CAMK2B: variants seen among roughly 807,000 people sequenced by gnomAD.
The protein encoded by CAMK2B is calcium/calmodulin dependent protein kinase II beta.
CAMK2B carries 27 observed loss-of-function variants against 93.7 expected under a neutral mutation model. That is an observed-to-expected ratio of 0.29 (90% CI 0.21 to 0.40). The LOEUF (loss-of-function observed/expected upper bound fraction) is 0.40. Among genes scored for constraint, CAMK2B ranks in the 10% least tolerant of loss-of-function variants. The pLI is 1.00. For synonymous variants in CAMK2B, 374 were observed against 358.8 expected, an observed-to-expected ratio of 1.04 and a Z score of -0.48; for missense variants, 568 against 895.8, an observed-to-expected ratio of 0.63 and a Z score of 4.67.
chr7:44,288,131 G>C (rs1785649583), intron 1 of CAMK2B, among the ~76,000 whole-genome samples: 1 of 152,164 alleles, frequency 6.6e-6, no homozygotes. Flanking sequence ...CCTGTGGGTA[G>C]ATGGGTCTGT....
intron 5 of CAMK2B, 64 bp downstream of exon 5, chr7:44,254,478 T>A (rs2096813501): frequency 1.4e-5 from 17 of 1,187,842 alleles, no homozygotes; most frequent in Middle Eastern, 1.9e-4. Context: ...CAGGAGTGGG[T>A]GAAGGAGGGA....
rs1414652964 is a variant in CAMK2B, at chr7:44,271,971, T to G, written c.161-8907A>C. Among the ~76,000 whole-genome samples, 2 of 152,194 alleles carry G rather than the reference T, an allele frequency of 1.3e-5. No individual in the cohort carries two copies. The highest frequency in any genetic ancestry group is 2.9e-5 in the Non-Finnish European group (2 of 68,038). ...CATGGCACCCATGAAACAGGGCTGT[T>G]GCTGCGTCACCCCAGCTTTCAGATG... On this transcript the variant is annotated intron_variant, in intron 2 of 23. Transcript: ENST00000395749. This position sits in a 1 kb window ranked among gnomAD's most constrained non-coding sequence, Gnocchi z 4.2.
chr7:44,223,899 A>G (rs2096443155), intron 20 of CAMK2B, among the ~76,000 whole-genome samples: 1 of 152,164 alleles, frequency 6.6e-6, no homozygotes, highest in Non-Finnish European at 1.5e-5. Context: ...CCCACTCCAC[A>G]GGGGTTCTCA....
intron 13 of CAMK2B, among the ~76,000 whole-genome samples, chr7:44,236,012 G>A (rs192975744): frequency 2.7e-5 from 4 of 150,664 alleles, no homozygotes; most frequent in Admixed American, 1.3e-4. Context: ...CAGCAGAATC[G>A]CCCTGTACAG....
Position 44,311,164 on chromosome 7 carries a change from C to T in CAMK2B, c.65+14193G>A, listed in dbSNP as rs779455367. 3.9e-5 allele frequency among the ~76,000 whole-genome samples: 6 copies of T among 152,202 alleles called. No individual in the cohort carries two copies. In the East Asian group the frequency reaches 1.2e-3, roughly 29 times the overall value. Reference sequence around the variant, plus strand: ...TCTCGGCTCACTGCAACCTCTGCAACCCCCTGGTTCAAGCGATTCTCCTGC... The same window carrying T: ...TCTCGGCTCACTGCAACCTCTGCAATCCCCTGGTTCAAGCGATTCTCCTGC... On this transcript the variant is annotated intron_variant, in intron 1 of 23. Transcript: ENST00000395749. The surrounding 1 kb of genome is among the most constrained non-coding windows in gnomAD (Gnocchi z 4.2).
At chr7:44,274,880 G>T (rs1284929784) in intron 2 of CAMK2B, among the ~76,000 whole-genome samples, 1 of 152,240 alleles carries the variant, frequency 6.6e-6, no homozygotes, top group Non-Finnish European at 1.5e-5. Context: ...GAGCCTGGAA[G>T]TAAGGATCCC....
chr7:44,305,504 A>G (rs1349147396), intron 1 of CAMK2B, among the ~76,000 whole-genome samples: 1 of 152,218 alleles, frequency 6.6e-6, no homozygotes, highest in Admixed American at 6.5e-5. Context: ...AAAATGAAAC[A>G]AAAAATCCCC....
intron 1 of CAMK2B, among the ~76,000 whole-genome samples, chr7:44,309,633 G>C (rs1003788651): frequency 6.6e-6 from 1 of 152,186 alleles, no homozygotes; most frequent in Admixed American, 6.5e-5. Flanking sequence ...CGGTGGGGTC[G>C]GGACTCTGCG....
chr7:44,264,543 C>T (rs1226248836), intron 2 of CAMK2B, among the ~76,000 whole-genome samples: 2 of 152,312 alleles, frequency 1.3e-5, no homozygotes, highest in African/African-American at 2.4e-5. Context: ...TGGCATCCCA[C>T]GAGAGGGATT....
intron 1 of CAMK2B, among the ~76,000 whole-genome samples, chr7:44,316,088 C>T (rs953480791): frequency 2.0e-5 from 3 of 152,142 alleles, no homozygotes; most frequent in Admixed American, 1.3e-4. Flanking sequence ...ATCTCCTATA[C>T]CGTGCTGCCT....
intron 1 of CAMK2B, among the ~76,000 whole-genome samples, chr7:44,314,586 T>G (rs1327306314): frequency 6.6e-6 from 1 of 152,262 alleles, no homozygotes; most frequent in East Asian, 1.9e-4. Flanking sequence ...ATAATGCTGC[T>G]ATGAACCAGT....
In CAMK2B at chr7:44,225,767, C is replaced by T; in HGVS notation, c.1597+749G>A. The stretch of plus-strand genomic sequence containing the variant: ...ACCTGTCCCTCAAGTACTTACCTAG[C>T]CACTGCCCTGCCATGCCGAGCCCGT... On this transcript the variant is annotated intron_variant, in intron 20 of 23. Coordinates refer to ENST00000395749, the MANE Select transcript of CAMK2B (RefSeq NM_001220.5). This position sits in a 1 kb window ranked among gnomAD's most constrained non-coding sequence, Gnocchi z 5.0. 1 of 1,289,512 alleles carries T rather than the reference C, an allele frequency of 7.8e-7. No individual in the cohort carries two copies. Among genetic ancestry groups the T allele is most frequent in the South Asian group, 1.2e-5 (1 of 81,030 alleles). 79.9% of individuals were successfully genotyped at this position (1,289,512 alleles called of 1,614,324 possible).
rs1785202299 is a variant in CAMK2B, at chr7:44,286,602, T to A, written c.66-2377A>T. Among the ~76,000 whole-genome samples the A allele has an allele frequency of 6.6e-6, 1 of 152,136 alleles. No homozygotes were observed. Among genetic ancestry groups the A allele is most frequent in the Non-Finnish European group, 1.5e-5 (1 of 68,028 alleles). ...CTCAGCACACGACATCCATGCACCA[T>A]ATCACCAAGAGCCTGACCGCAGGTG... On this transcript the variant is annotated intron_variant, in intron 1 of 23. Coordinates refer to ENST00000395749, the MANE Select transcript of CAMK2B (RefSeq NM_001220.5). The surrounding 1 kb of genome is among the most constrained non-coding windows in gnomAD (Gnocchi z 4.0).
At chr7:44,309,274 G>T (rs1762881543) in intron 1 of CAMK2B, among the ~76,000 whole-genome samples, 2 of 152,232 alleles carry the variant, frequency 1.3e-5, no homozygotes, top group South Asian at 4.1e-4. Context: ...TCTGGGGCAG[G>T]GGTCAGCCCA....
intron 5 of CAMK2B, among the ~76,000 whole-genome samples, chr7:44,249,184 G>A (rs2096757425): frequency 6.6e-6 from 1 of 152,172 alleles, no homozygotes; most frequent in Non-Finnish European, 1.5e-5. Context: ...TGTTCCTGAA[G>A]GGGCCCAGCA....
At chr7:44,240,022 G>C (rs2096661502) in intron 12 of CAMK2B, among the ~76,000 whole-genome samples, 1 of 152,170 alleles carries the variant, frequency 6.6e-6, no homozygotes, top group African/African-American at 2.4e-5. Flanking sequence ...CGGGTGGGGG[G>C]CACCAGATGC....
At chr7:44,263,095 C>G (rs1284816934) in intron 2 of CAMK2B, 31 bp from the exon 3 acceptor site, 1 of 1,607,120 alleles carries the variant, frequency 6.2e-7, no homozygotes. Context: ...GGCGTCACCT[C>G]CTGCGCCAGC....
chr7:44,263,505 G>A (rs905757808), intron 2 of CAMK2B, among the ~76,000 whole-genome samples: 1 of 152,176 alleles, frequency 6.6e-6, no homozygotes, highest in Admixed American at 6.5e-5. Flanking sequence ...CTGGCAGGAG[G>A]AGGAGGGGAA....
Position 44,311,216 on chromosome 7 carries a change from C to T in CAMK2B, c.65+14141G>A, listed in dbSNP as rs995176100. 1.3e-5 allele frequency among the ~76,000 whole-genome samples: 2 copies of T among 152,202 alleles called. No homozygotes were observed. Among genetic ancestry groups the T allele is most frequent in the African/African-American group, 2.4e-5 (1 of 41,446 alleles). On this transcript the variant is annotated intron_variant, in intron 1 of 23. Coordinates refer to ENST00000395749, the MANE Select transcript of CAMK2B (RefSeq NM_001220.5). This position sits in a 1 kb window ranked among gnomAD's most constrained non-coding sequence, Gnocchi z 4.2. ...TCAACCTCCTGAGTAGCTGGGATTA[C>T]AGGCACATGCCACCACGCCTGGCAC... is the stretch of plus-strand genomic sequence containing the variant.
Sources: gnomAD v4.1 joint callset for allele counts (sites outside exome capture counted in the v4.1 genomes callset) on GRCh38, gnomAD v4.1.1 for gene constraint, Gnocchi (gnomAD v3.1) non-coding constraint, MANE v1.5 for transcripts, NCBI Gene and HGNC (gene_info 2026-07-23, HGNC 2026-07-21) for gene names.